Variants in MAPRE3 observed in about 807,000 individuals in gnomAD.
MAPRE3 encodes the protein microtubule-associated protein RP/EB family member 3.
Under a neutral mutation model 30.5 loss-of-function variants are expected in MAPRE3, and 2 were observed. The ratio of observed to expected loss-of-function variants is 0.07; its 90% CI spans 0.03 to 0.21. The LOEUF (loss-of-function observed/expected upper bound fraction) is 0.21, where lower values mean the gene tolerates loss of function less well. Among genes scored for constraint, MAPRE3 ranks in the 10% least tolerant of loss-of-function variants. The pLI, the probability that MAPRE3 is intolerant of heterozygous loss-of-function variation, is 1.00. For missense variants in MAPRE3, 204 were observed against 351.8 expected (o/e 0.58, Z 3.36); for synonymous variants, 110 against 127.7 (o/e 0.86, Z 0.93).
intron 1 of MAPRE3, among the ~76,000 whole-genome samples, chr2:27,017,630 C>T (rs540635704): frequency 7.9e-5 from 12 of 152,258 alleles, no homozygotes; most frequent in African/African-American, 2.9e-4. Flanking sequence ...TCCCTGTGTG[C>T]CAAGGACTGG....
intron 1 of MAPRE3, among the ~76,000 whole-genome samples, chr2:26,975,755 G>A (rs1666003539): frequency 6.6e-6 from 1 of 151,720 alleles, no homozygotes; most frequent in Non-Finnish European, 1.5e-5. Context: ...ATACATTTTG[G>A]TACAAAAGAA....
chr2:27,022,635 A>G, intron 2 of MAPRE3: 1 of 327,938 alleles, frequency 3.0e-6, no homozygotes. Context: ...GTTTTAACAC[A>G]TGGTAAGTAT....
intron 1 of MAPRE3, among the ~76,000 whole-genome samples, chr2:26,995,787 G>GTGTGTGTA (rs1202633993): frequency 2.1e-5 from 3 of 140,600 alleles, no homozygotes; most frequent in Non-Finnish European, 4.6e-5. Flanking sequence ...AGAGGTGTGT[G>GTGTGTGTA]TGTGTGTGTG....
chr2:27,005,310 A>G (rs1251536630), intron 1 of MAPRE3, among the ~76,000 whole-genome samples: 2 of 152,228 alleles, frequency 1.3e-5, no homozygotes, highest in African/African-American at 2.4e-5. Flanking sequence ...ATGCTTCCTA[A>G]TATCCTTAAT....
Position 27,023,397 on chromosome 2 carries a change from T to C in MAPRE3, c.187T>C (p.Phe63Leu). ...PGCVHLRKVK[F>L]QAKLEHEYIH... is the part of the protein sequence containing the mutation. ...CTGTGTGCACTTGAGGAAAGTGAAG[T>C]TCCAGGCCAAACTAGAGCACGAATA... The change falls in exon 3 of 7, where the codon TTC (phenylalanine) becomes CTC (leucine). Residue 63 changes from phenylalanine to leucine, a missense_variant. By Grantham distance (22) the Phe-to-Leu change is conservative. Around this residue, in one of 5 missense-constraint regions of MAPRE3, gnomAD observed 101 missense variants for 205.4 expected, o/e 0.49. Coordinates refer to ENST00000233121, the MANE Select transcript of MAPRE3 (RefSeq NM_012326.4). 1 of 1,614,000 alleles carries C rather than the reference T, an allele frequency of 6.2e-7. No homozygotes were observed. Among genetic ancestry groups the C allele is most frequent in the Non-Finnish European group, 8.5e-7 (1 of 1,179,882 alleles).
At chr2:26,999,356 A>G (rs984882327) in intron 1 of MAPRE3, among the ~76,000 whole-genome samples, 19 of 152,104 alleles carry the variant, frequency 1.2e-4, no homozygotes, top group Non-Finnish European at 5.9e-5. Context: ...CTGGACAAGG[A>G]TGATGTCAGT....
At chr2:26,976,182 G>A (rs1462568414) in intron 1 of MAPRE3, among the ~76,000 whole-genome samples, 2 of 152,190 alleles carry the variant, frequency 1.3e-5, no homozygotes, top group Non-Finnish European at 2.9e-5. Flanking sequence ...GGCTGGTACA[G>A]CACATCTTTC....
chr2:27,000,881 A>C (rs891307641), intron 1 of MAPRE3, among the ~76,000 whole-genome samples: 1 of 152,260 alleles, frequency 6.6e-6, no homozygotes, highest in African/African-American at 2.4e-5. Flanking sequence ...TCAAGGACTC[A>C]TTGCTGCCTG....
intron 1 of MAPRE3, among the ~76,000 whole-genome samples, chr2:27,016,258 T>C (rs1361149774): frequency 6.6e-6 from 1 of 152,112 alleles, no homozygotes; most frequent in Non-Finnish European, 1.5e-5. Flanking sequence ...TGGAAGACAC[T>C]GCTACTACAT....
chr2:26,990,663 G>A (rs1288751745), intron 1 of MAPRE3, among the ~76,000 whole-genome samples: 4 of 152,128 alleles, frequency 2.6e-5, no homozygotes, highest in African/African-American at 4.8e-5. Flanking sequence ...TACATACCTG[G>A]TAACAGGAAA....
rs1260776520 is a variant in MAPRE3 at position 26,985,908 on chromosome 2, T to C, written c.-8+15106T>C. 6.6e-6 allele frequency among the ~76,000 whole-genome samples: 1 copy of C among 152,108 alleles called. No individual in the cohort carries two copies. Among genetic ancestry groups the C allele is most frequent in the African/African-American group, 2.4e-5 (1 of 41,426 alleles). ...AGCTGGAAGAGAGGCAGGGAGCAGA[T>C]TCCCCCAAGAGCCTTCAGAGGGAGG... On this transcript the variant is annotated intron_variant, in intron 1 of 6. Transcript: ENST00000233121. The surrounding 1 kb of genome is among the most constrained non-coding windows in gnomAD (Gnocchi z 4.2).
chr2:26,976,568 G>T (rs986697734), intron 1 of MAPRE3, among the ~76,000 whole-genome samples: 2 of 152,214 alleles, frequency 1.3e-5, no homozygotes, highest in African/African-American at 4.8e-5. Flanking sequence ...CTAGCACCAT[G>T]CCCTACCAGC....
intron 1 of MAPRE3, among the ~76,000 whole-genome samples, chr2:26,973,125 A>G (rs1178136861): frequency 2.0e-5 from 3 of 152,242 alleles, no homozygotes; most frequent in Non-Finnish European, 4.4e-5. Flanking sequence ...ATCAAAATAT[A>G]TATGCTGATT....
intron 4 of MAPRE3, among the ~76,000 whole-genome samples, chr2:27,024,651 G>C (rs994928847): frequency 6.6e-6 from 1 of 152,204 alleles, no homozygotes. Context: ...CCAAGAGCCT[G>C]GTGCCAGCAC....
At chr2:26,974,702 T>C (rs988427450) in intron 1 of MAPRE3, among the ~76,000 whole-genome samples, 31 of 152,222 alleles carry the variant, frequency 2.0e-4, no homozygotes, top group Non-Finnish European at 3.8e-4. Context: ...CCTGGCTGTG[T>C]GGCCTTGGGT....
intron 1 of MAPRE3, chr2:27,009,754 C>T (rs911707229): frequency 6.6e-6 from 1 of 152,268 alleles, no homozygotes; most frequent in Non-Finnish European, 1.5e-5. Flanking sequence ...CCCATGCATT[C>T]CCCTTTCCTC....
intron 1 of MAPRE3, among the ~76,000 whole-genome samples, chr2:26,995,780 G>GGGGTGTGTGTGTGT (rs1433584791): frequency 1.8e-5 from 2 of 109,638 alleles, no homozygotes; most frequent in Non-Finnish European, 1.8e-5. Flanking sequence ...TTCTAAGAGA[G>GGGGTGTGTGTGTGT]GTGTGTGTGT....
intron 6 of MAPRE3, 83 bp downstream of exon 6, chr2:27,026,115 T>C: frequency 6.5e-7 from 1 of 1,540,214 alleles, no homozygotes; most frequent in Non-Finnish European, 8.9e-7. Flanking sequence ...GAAGGGACCG[T>C]GGAGAACATT....
chr2:26,980,512 A>G (rs1450888004), intron 1 of MAPRE3, among the ~76,000 whole-genome samples: 1 of 152,194 alleles, frequency 6.6e-6, no homozygotes, highest in Non-Finnish European at 1.5e-5. Flanking sequence ...GTAACTTCAC[A>G]TATTTCATTC....
Sources: allele counts gnomAD v4.1 joint callset (sites outside exome capture counted in the v4.1 genomes callset), GRCh38; gene constraint gnomAD v4.1.1; regional missense constraint gnomAD v4.1.1; non-coding constraint Gnocchi (gnomAD v3.1); transcripts MANE v1.5; gene names NCBI Gene and HGNC (gene_info 2026-07-23, HGNC 2026-07-21).